The following RORA variants were observed in gnomAD, a reference collection of about 807,000 sequenced individuals.
RORA encodes RAR related orphan receptor A.
In RORA, 7 loss-of-function variants were observed where a neutral mutation model predicts 69.5. The ratio of observed to expected loss-of-function variants is 0.10; its 90% CI spans 0.06 to 0.19. RORA has a LOEUF of 0.19. Among genes scored for constraint, RORA ranks in the 10% least tolerant of loss-of-function variants. The pLI, the probability that RORA is intolerant of heterozygous loss-of-function variation, is 1.00. For synonymous variants in RORA, 261 were observed against 240.8 expected (o/e 1.08, Z -0.78); for missense variants, 457 against 663.0 (o/e 0.69, Z 3.41).
At chr15:61,218,722 C>G (rs947157177) in intron 1 of RORA, among the ~76,000 whole-genome samples, 1 of 144,190 alleles carries the variant, frequency 6.9e-6, no homozygotes, top group African/African-American at 2.6e-5. Flanking sequence ...TTTCCTTCTA[C>G]AAAAAAGATG....
intron 1 of RORA, among the ~76,000 whole-genome samples, chr15:61,154,785 T>C (rs1376260266): frequency 6.6e-6 from 1 of 152,064 alleles, no homozygotes; most frequent in Non-Finnish European, 1.5e-5. Flanking sequence ...GTGTTCCACA[T>C]GGAAATGTTA....
At chr15:60,919,458 G>A (rs889683098) in intron 1 of RORA, among the ~76,000 whole-genome samples, 1 of 152,228 alleles carries the variant, frequency 6.6e-6, no homozygotes, top group Non-Finnish European at 1.5e-5. Flanking sequence ...TCATGAGGGA[G>A]GAGTTGTTGA....
chr15:60,551,696 A>G (rs556552549), intron 2 of RORA, among the ~76,000 whole-genome samples: 1 of 152,248 alleles, frequency 6.6e-6, no homozygotes, highest in Non-Finnish European at 1.5e-5. Flanking sequence ...AAAGAGCTAC[A>G]TGGAACCTTT....
intron 1 of RORA, among the ~76,000 whole-genome samples, chr15:61,179,443 T>G (rs985104866): frequency 2.6e-5 from 4 of 152,260 alleles, no homozygotes; most frequent in Admixed American, 2.6e-4. Flanking sequence ...GGAAGATTTT[T>G]GTTTAATTAC....
intron 1 of RORA, among the ~76,000 whole-genome samples, chr15:60,843,845 C>T (rs2073231604): frequency 6.6e-6 from 1 of 152,186 alleles, no homozygotes; most frequent in Non-Finnish European, 1.5e-5. Context: ...TGGATTGAAT[C>T]TTAAAGCATA....
intron 1 of RORA, among the ~76,000 whole-genome samples, chr15:61,142,000 G>C (rs1446349129): frequency 6.6e-6 from 1 of 152,078 alleles, no homozygotes; most frequent in African/African-American, 2.4e-5. Flanking sequence ...GGTAAATATG[G>C]GGAAAGCCTC....
intron 1 of RORA, among the ~76,000 whole-genome samples, chr15:61,162,068 T>C (rs1394473905): frequency 6.6e-6 from 1 of 152,236 alleles, no homozygotes. Context: ...ATTTTATTGT[T>C]ATTGTTTTCT....
chr15:60,722,392 CTA>C (rs1239099137), intron 1 of RORA, among the ~76,000 whole-genome samples: 1 of 152,232 alleles, frequency 6.6e-6, no homozygotes, highest in African/African-American at 2.4e-5. Flanking sequence ...ACTCACTGCA[CTA>C]TTTCTTAGAA....
At chr15:60,791,063 T>A (rs767980576) in intron 1 of RORA, among the ~76,000 whole-genome samples, 1 of 151,930 alleles carries the variant, frequency 6.6e-6, no homozygotes, top group Non-Finnish European at 1.5e-5. Flanking sequence ...GAAAATGCAA[T>A]AGATGCTTTG....
At chr15:60,570,161 C>A (rs1160802580) in intron 2 of RORA, among the ~76,000 whole-genome samples, 3 of 152,112 alleles carry the variant, frequency 2.0e-5, no homozygotes, top group Admixed American at 1.3e-4. Flanking sequence ...AACACAAACA[C>A]AGCCCGGGCA....
intron 2 of RORA, among the ~76,000 whole-genome samples, chr15:60,555,511 G>A (rs546519723): frequency 1.3e-5 from 2 of 152,258 alleles, no homozygotes; most frequent in South Asian, 4.1e-4. Flanking sequence ...ACTTGCCAAC[G>A]TCTACCCTGT....
At chr15:60,744,907 A>AC (rs1174560081) in intron 1 of RORA, among the ~76,000 whole-genome samples, 2 of 151,856 alleles carry the variant, frequency 1.3e-5, no homozygotes, top group Non-Finnish European at 2.9e-5. Flanking sequence ...ACCTCATTTC[A>AC]CCCGGGGCCT....
At chr15:60,891,288 T>A (rs965374927) in intron 1 of RORA, among the ~76,000 whole-genome samples, 2 of 152,226 alleles carry the variant, frequency 1.3e-5, no homozygotes, top group African/African-American at 4.8e-5. Context: ...GGTGTATGTA[T>A]GTGCACGTGT....
chr15:60,493,363 A>T lies in RORA; in HGVS notation c.*4092T>A, dbSNP rs989680774. 7 of 152,192 alleles carry T rather than the reference A, an allele frequency of 4.6e-5. No individual in the cohort carries two copies. The highest frequency in any genetic ancestry group is 1.7e-4 in the African/African-American group (7 of 41,458). 9.4% of individuals were successfully genotyped at this position (152,192 alleles called of 1,614,324 possible). A position where few individuals can be genotyped will look rare whatever the true frequency, so the allele number is the denominator to read the frequency against. On this transcript the variant is annotated 3_prime_UTR_variant, in exon 11 of 11. Coordinates refer to ENST00000335670, the MANE Select transcript of RORA (RefSeq NM_134261.3). ...ACAAATATGTATTTTTCCCTGAGGG[A>T]TCAAGGTACACCCGCAAGTGCTCTA... is the stretch of plus-strand genomic sequence containing the variant.
At chr15:60,708,629 C>G (rs1465388781) in intron 1 of RORA, among the ~76,000 whole-genome samples, 1 of 152,158 alleles carries the variant, frequency 6.6e-6, no homozygotes, top group Admixed American at 6.5e-5. Context: ...TTGCATTTAA[C>G]TCCCCAGGCT....
In RORA at chr15:61,131,563, C is replaced by G. The variant is rs975250661; in HGVS notation, c.166+97490G>C. Among the ~76,000 whole-genome samples the G allele has an allele frequency of 1.3e-5, 2 of 152,176 alleles. No homozygotes were observed. Among genetic ancestry groups the G allele is most frequent in the Admixed American group, 1.3e-4 (2 of 15,276 alleles). On this transcript the variant is annotated intron_variant, in intron 1 of 10. Transcript: ENST00000335670. The surrounding 1 kb of genome is among the most constrained non-coding windows in gnomAD (Gnocchi z 4.2). ...ACTGGAAAACTGGAGGAACTGGGAT[C>G]TAGTTACTCATGCTATAGAAGTAAT...
intron 2 of RORA, among the ~76,000 whole-genome samples, chr15:60,596,687 G>C (rs1267187591): frequency 6.6e-6 from 1 of 152,154 alleles, no homozygotes; most frequent in African/African-American, 2.4e-5. Context: ...GTAAGACAAG[G>C]AACTCTGCTG....
chr15:60,601,532 A>C (rs190760287), intron 2 of RORA, among the ~76,000 whole-genome samples: 3 of 152,202 alleles, frequency 2.0e-5, no homozygotes, highest in African/African-American at 7.2e-5. Flanking sequence ...TGACGTTCCT[A>C]AAAGACTCCA....
intron 1 of RORA, among the ~76,000 whole-genome samples, chr15:61,105,636 A>G (rs958475315): frequency 2.0e-5 from 3 of 152,196 alleles, no homozygotes; most frequent in African/African-American, 7.2e-5. Flanking sequence ...CAAATCTAGT[A>G]ATGCATGAAA....
Sources: allele counts gnomAD v4.1 joint callset (sites outside exome capture counted in the v4.1 genomes callset), GRCh38; gene constraint gnomAD v4.1.1; non-coding constraint Gnocchi (gnomAD v3.1); transcripts MANE v1.5; gene names NCBI Gene and HGNC (gene_info 2026-07-23, HGNC 2026-07-21).